The following OPCML variants were observed in gnomAD, a reference collection of about 807,000 sequenced individuals.
OPCML encodes opioid-binding protein/cell adhesion molecule.
OPCML carries 13 observed loss-of-function variants against 37.8 expected under a neutral mutation model. That is an observed-to-expected ratio of 0.34 (90% CI 0.22 to 0.55). The LOEUF is 0.55. OPCML is among the 20% of genes least tolerant of loss of function. The pLI, the probability that OPCML is intolerant of heterozygous loss-of-function variation, is 0.91. For synonymous variants in OPCML, 176 were observed against 168.8 expected, an observed-to-expected ratio of 1.04 and a Z score of -0.33; for missense variants, 341 against 435.6, an observed-to-expected ratio of 0.78 and a Z score of 1.93.
At chr11:133,217,137 T>A (rs1939617346) in intron 1 of OPCML, among the ~76,000 whole-genome samples, 1 of 152,088 alleles carries the variant, frequency 6.6e-6, no homozygotes, top group Non-Finnish European at 1.5e-5. Flanking sequence ...AGGTACAGCC[T>A]CTCACCTCCA....
At chr11:132,840,405 G>A (rs1206612541) in intron 2 of OPCML, among the ~76,000 whole-genome samples, 2 of 152,230 alleles carry the variant, frequency 1.3e-5, no homozygotes, top group Non-Finnish European at 2.9e-5. Flanking sequence ...TGAGGTGGAA[G>A]GCGCTGGGCC....
intron 1 of OPCML, among the ~76,000 whole-genome samples, chr11:133,518,388 T>A (rs956860592): frequency 1.3e-5 from 2 of 151,656 alleles, no homozygotes; most frequent in African/African-American, 4.8e-5. Flanking sequence ...TGTGTGTAAA[T>A]AAGTGTGTGT....
intron 1 of OPCML, chr11:133,026,415 G>A (rs1947556090): frequency 1.0e-6 from 1 of 985,384 alleles, no homozygotes; most frequent in Non-Finnish European, 1.2e-6. Context: ...CTTCTTTAGG[G>A]AAACCTGTTT....
At chr11:132,941,776 A>C (rs886615528) in intron 2 of OPCML, among the ~76,000 whole-genome samples, 3 of 152,192 alleles carry the variant, frequency 2.0e-5, no homozygotes, top group Non-Finnish European at 4.4e-5. Context: ...TATCACCCAA[A>C]GTGGCAGAAT....
At chr11:133,242,601 T>C (rs1043713041) in intron 1 of OPCML, among the ~76,000 whole-genome samples, 2 of 152,212 alleles carry the variant, frequency 1.3e-5, no homozygotes, top group African/African-American at 4.8e-5. Context: ...CCAGTCATAC[T>C]GGATTAAGGC....
intron 1 of OPCML, among the ~76,000 whole-genome samples, chr11:133,217,663 G>C (rs1490994868): frequency 6.6e-6 from 1 of 152,148 alleles, no homozygotes; most frequent in African/African-American, 2.4e-5. Flanking sequence ...AGCAAGATGG[G>C]GGACAAACTG....
chr11:133,022,164 A>G (rs998704941), intron 1 of OPCML, among the ~76,000 whole-genome samples: 15 of 152,142 alleles, frequency 9.9e-5, no homozygotes, highest in Non-Finnish European at 1.9e-4. Flanking sequence ...GATGGAGATG[A>G]CACATTTTTC....
chr11:132,809,991 A>C (rs1456773879), intron 2 of OPCML, among the ~76,000 whole-genome samples: 2 of 152,046 alleles, frequency 1.3e-5, no homozygotes, highest in Admixed American at 6.6e-5. Flanking sequence ...CCGGGACTAC[A>C]GGCGCCCGCC....
chr11:132,654,106 AG>A, intron 3 of OPCML, among the ~76,000 whole-genome samples: 1 of 152,212 alleles, frequency 6.6e-6, no homozygotes, highest in Non-Finnish European at 1.5e-5. Flanking sequence ...ACTGGACAAA[AG>A]CTGATGCTGC....
chr11:132,586,213 T>C (rs2096472306), intron 3 of OPCML, among the ~76,000 whole-genome samples: 1 of 152,234 alleles, frequency 6.6e-6, no homozygotes, highest in African/African-American at 2.4e-5. Flanking sequence ...TACATGCCTC[T>C]GCCCCATCCC....
At position 132,969,057 on chromosome 11, in the gene OPCML, G is replaced by C. The variant is rs1391268097; in HGVS notation, c.62-26047C>G. Among the ~76,000 whole-genome samples, 4 of 152,118 alleles carry C rather than the reference G, an allele frequency of 2.6e-5. No homozygotes were observed. In the East Asian group the frequency reaches 7.7e-4, roughly 29 times the overall value. The stretch of plus-strand genomic sequence containing the variant: ...AGGTGGTATCTGGTTACCATCACCA[G>C]AGCGCTATACACTCAACCAAATTGG... On this transcript the variant is annotated intron_variant, in intron 1 of 7. Transcript: ENST00000524381.
In OPCML at chr11:133,480,131, C is replaced by CCCCTT. The variant is rs1565657283; in HGVS notation, c.61+52128_61+52132dup. On this transcript the variant is annotated intron_variant, in intron 1 of 7. Coordinates refer to ENST00000524381, the MANE Select transcript of OPCML (RefSeq NM_001012393.5). The stretch of plus-strand genomic sequence containing the variant: ...TAGAGCAGGCATCCCAGCACATCCA[C>CCCCTT]CCCTTCCCTTCCCTTGATCGGATGG... 2.6e-5 allele frequency among the ~76,000 whole-genome samples: 4 copies of CCCCTT among 152,200 alleles called. No individual in the cohort carries two copies. The South Asian group carries it at 8.3e-4, about 31-fold the overall frequency.
intron 2 of OPCML, among the ~76,000 whole-genome samples, chr11:132,787,346 C>G (rs371384422): frequency 2.0e-5 from 3 of 152,158 alleles, no homozygotes; most frequent in African/African-American, 7.2e-5. Context: ...TACCTAGTTA[C>G]GGAATGAAGG....
intron 1 of OPCML, among the ~76,000 whole-genome samples, chr11:133,001,095 T>C (rs544572734): frequency 6.6e-6 from 1 of 152,320 alleles, no homozygotes; most frequent in South Asian, 2.1e-4. Flanking sequence ...ATGAGCTAAT[T>C]ACACCTCTTT....
At chr11:132,466,899 T>C (rs2096121746) in intron 4 of OPCML, among the ~76,000 whole-genome samples, 1 of 152,178 alleles carries the variant, frequency 6.6e-6, no homozygotes, top group Non-Finnish European at 1.5e-5. Flanking sequence ...TAGAGATTTA[T>C]TATAATGCTG....
At position 133,445,039 on chromosome 11, in the gene OPCML, C is replaced by CAT. The variant is rs1366485748; in HGVS notation, c.61+87224_61+87225insAT. Among the ~76,000 whole-genome samples the CAT allele has an allele frequency of 5.1e-5, 5 of 98,302 alleles. No homozygotes were observed. The East Asian group carries it at 1.5e-3, about 29-fold the overall frequency. The allele number at this position is 98,302 out of a possible 152,430, so 64.5% of individuals were successfully genotyped here. ...CCTGGATGGTGGATGGAGACCACCA[C>CAT]ACCCCATCTACACAATTTCAGGTAT... On this transcript the variant is annotated intron_variant, in intron 1 of 7. Coordinates refer to ENST00000524381, the MANE Select transcript of OPCML (RefSeq NM_001012393.5).
intron 1 of OPCML, among the ~76,000 whole-genome samples, chr11:133,496,658 G>A (rs1308059333): frequency 1.6e-4 from 24 of 152,156 alleles, no homozygotes; most frequent in Admixed American, 1.6e-3. Flanking sequence ...AGCTTTTGCA[G>A]CTATTGTAAG....
chr11:133,401,043 G>A (rs1012926358), intron 1 of OPCML, among the ~76,000 whole-genome samples: 4 of 152,140 alleles, frequency 2.6e-5, no homozygotes, highest in African/African-American at 7.2e-5. Context: ...GTAATAATCC[G>A]AGTCTACATA....
chr11:133,232,681 T>C (rs1230307083), intron 1 of OPCML, among the ~76,000 whole-genome samples: 1 of 152,188 alleles, frequency 6.6e-6, no homozygotes, highest in Non-Finnish European at 1.5e-5. Context: ...CATTGTGACA[T>C]TGCTTTGATG....
Sources: gnomAD v4.1 joint callset for allele counts (sites outside exome capture counted in the v4.1 genomes callset) on GRCh38, gnomAD v4.1.1 for gene constraint, MANE v1.5 for transcripts, NCBI Gene and HGNC (gene_info 2026-07-23, HGNC 2026-07-21) for gene names.